Variants in USP9Y observed in about 807,000 individuals in gnomAD.
USP9Y encodes the protein ubiquitin specific peptidase 9 Y-linked.
USP9Y carries 41 observed loss-of-function variants against 53.1 expected under a neutral mutation model. The observed-to-expected ratio is 0.77, with a 90% CI of 0.60 to 1.00. The LOEUF (loss-of-function observed/expected upper bound fraction) is 1.00, where lower values mean the gene tolerates loss of function less well. Ranked by LOEUF, USP9Y falls within the 50% of genes least tolerant of loss-of-function variation. The probability of loss-of-function intolerance (pLI) is 0.00; values close to 1 mark genes in which losing one functional copy is unlikely to be tolerated. For synonymous variants in USP9Y, 220 were observed against 173.7 expected, an observed-to-expected ratio of 1.27 and a Z score of -2.09; for missense variants, 567 against 535.8, an observed-to-expected ratio of 1.06 and a Z score of -0.58.
chrY:12,757,074 G>T, intron 12 of USP9Y, 118 bp from the exon 13 acceptor site: 1 of 220,574 alleles, frequency 4.5e-6, no homozygotes. Context: ...GTGTGTGTGC[G>T]CACACGCCCC....
intron 42 of USP9Y, among the ~76,000 whole-genome samples, chrY:12,854,900 A>G (rs2053574501): frequency 3.0e-5 from 1 of 33,875 alleles, no homozygotes; most frequent in Non-Finnish European, 7.3e-5. Flanking sequence ...TATTCAGTAA[A>G]CAGTATTCAA....
At chrY:12,844,088 A>G in intron 39 of USP9Y, among the ~76,000 whole-genome samples, 2 of 33,655 alleles carry the variant, frequency 5.9e-5, no homozygotes, top group Admixed American at 5.5e-4. Context: ...TAGTACAACA[A>G]TATTTCAAAA....
chrY:12,734,886 A>G, intron 7 of USP9Y, among the ~76,000 whole-genome samples: 1 of 31,777 alleles, frequency 3.1e-5, no homozygotes, highest in Non-Finnish European at 7.6e-5. Flanking sequence ...CCTGGCCAAC[A>G]TGGTGAAACC....
At chrY:12,765,349 A>G in intron 15 of USP9Y, among the ~76,000 whole-genome samples, 1 of 32,282 alleles carries the variant, frequency 3.1e-5, no homozygotes, top group Admixed American at 2.8e-4. Flanking sequence ...AAAGGCAGGC[A>G]CACTCGTGTA....
At chrY:12,714,927 C>G (rs758158411) in intron 3 of USP9Y, among the ~76,000 whole-genome samples, 27 of 32,429 alleles carry the variant, frequency 8.3e-4, no homozygotes, top group African/African-American at 3.1e-3. Context: ...TAATGTACTA[C>G]TGGTAAGGTA....
chrY:12,720,811 C>A, intron 4 of USP9Y, 74 bp downstream of exon 4: 1 of 304,267 alleles, frequency 3.3e-6, no homozygotes, highest in Non-Finnish European at 5.0e-6. Flanking sequence ...AGCATTGCAA[C>A]TAGTAGTAAA....
chrY:12,733,176 C>T (rs1603196702), intron 7 of USP9Y, among the ~76,000 whole-genome samples: 9 of 32,084 alleles, frequency 2.8e-4, no homozygotes, highest in Admixed American at 1.4e-3. Context: ...GCCGCGGCCT[C>T]CCAAAGTGCT....
intron 3 of USP9Y, among the ~76,000 whole-genome samples, chrY:12,712,883 G>A: frequency 6.1e-5 from 2 of 32,578 alleles, no homozygotes. Context: ...TACCAAATCC[G>A]TAAGTCCACT....
chrY:12,737,799 G>T (rs1042534502), intron 10 of USP9Y, among the ~76,000 whole-genome samples: 13 of 33,567 alleles, frequency 3.9e-4, no homozygotes, highest in Middle Eastern at 0.014. Flanking sequence ...TATCACATAT[G>T]GGAATCTTTA....
chrY:12,743,870 G>T, intron 12 of USP9Y, among the ~76,000 whole-genome samples: 1 of 31,381 alleles, frequency 3.2e-5, no homozygotes, highest in African/African-American at 1.3e-4. Flanking sequence ...TGGAAATGTT[G>T]CAGTCTTCCT....
intron 11 of USP9Y, among the ~76,000 whole-genome samples, chrY:12,738,956 G>GA (rs2053454576): frequency 3.0e-5 from 1 of 33,737 alleles, no homozygotes; most frequent in Non-Finnish European, 7.3e-5. Flanking sequence ...ATGCATAGAA[G>GA]AAACAAATGT....
chrY:12,796,030 A>T, intron 27 of USP9Y, among the ~76,000 whole-genome samples: 1 of 33,360 alleles, frequency 3.0e-5, no homozygotes, highest in African/African-American at 1.2e-4. Context: ...GCTGTTGAGA[A>T]ACTTCTCTTG....
chrY:12,759,675 C>T, intron 14 of USP9Y, among the ~76,000 whole-genome samples: 1 of 29,853 alleles, frequency 3.3e-5, no homozygotes, highest in Non-Finnish European at 8.0e-5. Flanking sequence ...CCAGCCTGGG[C>T]AACATGGGCA....
At chrY:12,740,362 T>G in intron 12 of USP9Y, among the ~76,000 whole-genome samples, 1 of 33,400 alleles carries the variant, frequency 3.0e-5, no homozygotes, top group Non-Finnish European at 7.4e-5. Context: ...AGTCCCGAAA[T>G]GAAGGAAACA....
chrY:12,811,306 G>A, intron 29 of USP9Y, among the ~76,000 whole-genome samples: 1 of 33,205 alleles, frequency 3.0e-5, no homozygotes, highest in African/African-American at 1.2e-4. Flanking sequence ...TTGAACCCTG[G>A]TATTGACGTT....
intron 7 of USP9Y, among the ~76,000 whole-genome samples, 181 bp from the exon 8 acceptor site, chrY:12,735,430 TA>T (rs2053450604): frequency 3.0e-5 from 1 of 33,522 alleles, no homozygotes; most frequent in Admixed American, 2.8e-4. Flanking sequence ...AAATACAATA[TA>T]AAAGGTTTAA....
chrY:12,725,324 A>C, intron 6 of USP9Y, 99 bp downstream of exon 6: 1 of 183,469 alleles, frequency 5.5e-6, no homozygotes, highest in Non-Finnish European at 1.0e-5. Flanking sequence ...TTAACATATC[A>C]AGTCTGCTGA....
chrY:12,707,720 A>G (rs922083187), intron 1 of USP9Y, among the ~76,000 whole-genome samples: 4 of 28,145 alleles, frequency 1.4e-4, no homozygotes, highest in Non-Finnish European at 3.4e-4. Flanking sequence ...CCTTGCTTTG[A>G]TTTCAAGTTT....
intron 12 of USP9Y, among the ~76,000 whole-genome samples, chrY:12,751,007 T>C (rs774990320): frequency 3.0e-4 from 9 of 29,536 alleles, no homozygotes; most frequent in Admixed American, 9.5e-4. Context: ...TTTTATTTAT[T>C]TTTTTTTTTT....
Sources: gnomAD v4.1 joint callset for allele counts (sites outside exome capture counted in the v4.1 genomes callset) on GRCh38, gnomAD v4.1.1 for gene constraint, MANE v1.5 for transcripts, NCBI Gene and HGNC (gene_info 2026-07-23, HGNC 2026-07-21) for gene names.